SETD2: variants seen among roughly 807,000 people sequenced by gnomAD.
SETD2 encodes the protein SET domain containing 2, histone lysine methyltransferase.
SETD2 carries 31 observed loss-of-function variants against 242.1 expected under a neutral mutation model. The ratio of observed to expected loss-of-function variants is 0.13; its 90% CI spans 0.10 to 0.17. The LOEUF is 0.17. Ranked by LOEUF, SETD2 falls within the 10% of genes least tolerant of loss-of-function variation. The pLI is 1.00. For synonymous variants in SETD2, 1,006 were observed against 1,066.5 expected (o/e 0.94, Z 1.11); for missense variants, 2,481 against 3,046.3 (o/e 0.81, Z 4.37).
At chr3:47,023,379 G>C (rs1348032414) in intron 18 of SETD2, among the ~76,000 whole-genome samples, 1 of 152,054 alleles carries the variant, frequency 6.6e-6, no homozygotes, top group African/African-American at 2.4e-5. Context: ...CAGCCTGGGT[G>C]ACAGAGCGAG....
intron 13 of SETD2, among the ~76,000 whole-genome samples, chr3:47,065,261 G>A (rs1489308895): frequency 6.6e-6 from 1 of 151,882 alleles, no homozygotes; most frequent in Admixed American, 6.6e-5. Context: ...ACCAGAGAGT[G>A]GAACTAAAAA....
At chr3:47,036,944 C>T (rs1014435430) in intron 18 of SETD2, among the ~76,000 whole-genome samples, 7 of 141,238 alleles carry the variant, frequency 5.0e-5, no homozygotes, top group Admixed American at 7.1e-5. Flanking sequence ...GGCCCTGAAG[C>T]GATCATAGTA....
intron 9 of SETD2, 50 bp downstream of exon 9, chr3:47,097,905 C>T (rs374386157): frequency 3.1e-6 from 5 of 1,593,850 alleles, no homozygotes; most frequent in Admixed American, 3.4e-5. Flanking sequence ...AAAGCCACCT[C>T]GCTTTTTAAA....
At chr3:47,114,057 AGT>A in intron 4 of SETD2, 53 bp from the exon 5 acceptor site, 4 of 1,568,498 alleles carry the variant, frequency 2.6e-6, no homozygotes, top group Admixed American at 3.9e-5. Context: ...AAAGAACCAA[AGT>A]AACTTTGAAA....
Position 47,017,249 on chromosome 3 carries a change from A to T in SETD2, c.7539T>A (p.Thr2513=), listed in dbSNP as rs2038019609. The T allele has an allele frequency of 6.2e-7, 1 of 1,614,100 alleles. No individual in the cohort carries two copies. Among genetic ancestry groups the T allele is most frequent in the Non-Finnish European group, 8.5e-7 (1 of 1,180,010 alleles). Residue 2513 remains threonine, a synonymous_variant, in exon 21 of 21, where the codon ACT becomes ACA. Coordinates refer to ENST00000409792, the MANE Select transcript of SETD2 (RefSeq NM_014159.7). The surrounding 1 kb of genome is among the most constrained non-coding windows in gnomAD (Gnocchi z 4.8). ...TCAGCTCCTTATTCATAACACCGTG[A>T]GTCAGCTGTCCAGGGCACAGGAAGA... is the stretch of plus-strand genomic sequence containing the variant. ...EDFKHLARKL[T]HGVMNKELKY...
At chr3:47,136,895 A>G (rs981138902) in intron 1 of SETD2, among the ~76,000 whole-genome samples, 4 of 152,162 alleles carry the variant, frequency 2.6e-5, no homozygotes, top group African/African-American at 9.7e-5. Flanking sequence ...CAGAGGTTGC[A>G]GTGTGCCGAG....
At chr3:47,059,358 C>G (rs940040223) in intron 14 of SETD2, among the ~76,000 whole-genome samples, 2 of 151,832 alleles carry the variant, frequency 1.3e-5, no homozygotes, top group Admixed American at 6.6e-5. Context: ...TCAAGTGATC[C>G]GCCCGCCTCA....
At chr3:47,127,660 G>C (rs770972661) in intron 1 of SETD2, 13 of 357,796 alleles carry the variant, frequency 3.6e-5, no homozygotes, top group Middle Eastern at 6.5e-4. Flanking sequence ...TCAGGAGCTC[G>C]AGACCAGCCT....
intron 1 of SETD2, among the ~76,000 whole-genome samples, chr3:47,140,338 T>C (rs532341654): frequency 2.0e-5 from 3 of 152,226 alleles, no homozygotes; most frequent in African/African-American, 7.2e-5. Context: ...AGTTGGAACG[T>C]TGGGTGACCT....
chr3:47,153,275 T>TATTAACCAAAAATTATACAAGGTA (rs555499981), intron 1 of SETD2, among the ~76,000 whole-genome samples: 1 of 152,240 alleles, frequency 6.6e-6, no homozygotes, highest in African/African-American at 2.4e-5. Flanking sequence ...ACACAATTTT[T>TATTAACCAAAAATTATACAAGGTA]ATTAACCAAA....
At chr3:47,148,345 G>A (rs1187933924) in intron 1 of SETD2, among the ~76,000 whole-genome samples, 1 of 151,968 alleles carries the variant, frequency 6.6e-6, no homozygotes, top group Non-Finnish European at 1.5e-5. Context: ...TGCCCAGGCT[G>A]GTCCCAAACT....
At chr3:47,096,186 A>C (rs1176149222) in intron 9 of SETD2, among the ~76,000 whole-genome samples, 2 of 152,250 alleles carry the variant, frequency 1.3e-5, no homozygotes, top group Non-Finnish European at 2.9e-5. Context: ...GTTTAACTGT[A>C]GTTTAACACA....
Position 47,121,128 on chromosome 3 carries a change from T to G in SETD2, c.3508A>C (p.Ser1170Arg), listed in dbSNP as rs2043066123. ...GATTTCACATCTGTATGACTTGTAC[T>G]ATCAACCCCATCACTCTGAGGATGA... ...LSHPQSDGVD[S>R]TSHTDVKSDP... is the part of the protein sequence containing the mutation. The change falls in exon 3 of 21, where the codon AGT becomes CGT. Residue 1170 changes from serine (S) to arginine (R), a missense_variant. Ser to Arg is a moderately radical substitution (Grantham distance 110). Transcript: ENST00000409792. The G allele has an allele frequency of 1.2e-6, 2 of 1,614,192 alleles. No homozygotes were observed. The highest frequency in any genetic ancestry group is 8.5e-7 in the Non-Finnish European group (1 of 1,180,024).
At chr3:47,092,467 G>C (rs1446328346) in intron 9 of SETD2, among the ~76,000 whole-genome samples, 1 of 148,860 alleles carries the variant, frequency 6.7e-6, no homozygotes, top group Non-Finnish European at 1.5e-5. Flanking sequence ...GAATGATTAG[G>C]GTGTATTTTT....
rs1191506417 is a variant in SETD2 at position 47,056,970 on chromosome 3, C to A, written c.6814G>T (p.Val2272Phe). The A allele has an allele frequency of 6.2e-7, 1 of 1,614,138 alleles. No homozygotes were observed. Among genetic ancestry groups the A allele is most frequent in the Non-Finnish European group, 8.5e-7 (1 of 1,180,064 alleles). ...ACAGACTGTTGGTTTGAATCCCAAA[C>A]ACTATAATTCTGTCCCTGAACTGGG... ...PGPVQGQNYS[V>F]WDSNQQSVSV... Residue 2272 changes from valine (V) to phenylalanine (F), a missense_variant, in exon 15 of 21, where the codon GTT (valine) becomes TTT (phenylalanine). Physicochemically the swap from Val to Phe is conservative, Grantham distance 50. Coordinates refer to ENST00000409792, the MANE Select transcript of SETD2 (RefSeq NM_014159.7).
intron 1 of SETD2, among the ~76,000 whole-genome samples, chr3:47,140,516 T>C (rs1241607054): frequency 6.6e-6 from 1 of 152,196 alleles, no homozygotes; most frequent in Non-Finnish European, 1.5e-5. Context: ...AAAAGATAAA[T>C]ATGCATAAAT....
chr3:47,049,340 TA>T (rs1328044054), intron 15 of SETD2, among the ~76,000 whole-genome samples: 1 of 59,666 alleles, frequency 1.7e-5, no homozygotes, highest in African/African-American at 5.5e-5. Context: ...TATATATATA[TA>T]TATATATGTA....
intron 10 of SETD2, among the ~76,000 whole-genome samples, chr3:47,087,005 C>T (rs368716966): frequency 6.7e-6 from 1 of 150,014 alleles, no homozygotes; most frequent in Non-Finnish European, 1.5e-5. Flanking sequence ...TGCACAACTG[C>T]GTTCCAGCCT....
intron 1 of SETD2, among the ~76,000 whole-genome samples, chr3:47,146,176 T>C (rs1331425312): frequency 6.6e-6 from 1 of 152,252 alleles, no homozygotes; most frequent in East Asian, 1.9e-4. Context: ...TACAATATAT[T>C]AGGAGCAAAA....
Sources: gnomAD v4.1 joint callset for allele counts (sites outside exome capture counted in the v4.1 genomes callset) on GRCh38, gnomAD v4.1.1 for gene constraint, Gnocchi (gnomAD v3.1) non-coding constraint, MANE v1.5 for transcripts, NCBI Gene and HGNC (gene_info 2026-07-23, HGNC 2026-07-21) for gene names.